Variants in FBXO10 observed in about 807,000 individuals in gnomAD.
FBXO10 encodes F-box only protein 10.
A neutral mutation model predicts 80.7 loss-of-function variants in FBXO10; 39 were observed. The ratio of observed to expected loss-of-function variants is 0.48; its 90% CI spans 0.37 to 0.63. The LOEUF is 0.63. Among genes scored for constraint, FBXO10 ranks in the 30% least tolerant of loss-of-function variants. FBXO10 has a pLI of 0.00. For missense variants in FBXO10, 1,025 were observed against 1,269.0 expected (o/e 0.81, Z 2.92); for synonymous variants, 449 against 489.6 (o/e 0.92, Z 1.09).
At chr9:37,556,582 T>G (rs1243152471) in intron 1 of FBXO10, among the ~76,000 whole-genome samples, 1 of 140,088 alleles carries the variant, frequency 7.1e-6, no homozygotes. Context: ...CTCTCTCTTT[T>G]GCCCAGTCTG....
intron 1 of FBXO10, among the ~76,000 whole-genome samples, chr9:37,574,685 C>A (rs942641127): frequency 6.6e-6 from 1 of 152,166 alleles, no homozygotes; most frequent in African/African-American, 2.4e-5. Context: ...TCCCTGGAGG[C>A]CAGCTGTTAT....
At chr9:37,518,795 C>T (rs1588822435) in intron 8 of FBXO10, among the ~76,000 whole-genome samples, 2 of 152,156 alleles carry the variant, frequency 1.3e-5, no homozygotes, top group Non-Finnish European at 2.9e-5. Flanking sequence ...TGCTCACTGC[C>T]GCCTCAAGGC....
At chr9:37,570,053 G>A (rs555997692) in intron 1 of FBXO10, among the ~76,000 whole-genome samples, 7 of 152,330 alleles carry the variant, frequency 4.6e-5, no homozygotes, top group East Asian at 3.9e-4. Context: ...GCTCATGCCT[G>A]TATCCCAGCA....
At chr9:37,545,008 A>AAG (rs1822020963) in intron 1 of FBXO10, among the ~76,000 whole-genome samples, 2 of 149,768 alleles carry the variant, frequency 1.3e-5, no homozygotes, top group South Asian at 4.2e-4. Context: ...AAAAAAAAAA[A>AAG]AAAAGAGAGA....
In FBXO10 at chr9:37,512,455, G is replaced by C; in HGVS notation, c.*92C>G. 7.0e-7 allele frequency: 1 copy of C among 1,435,528 alleles called. No individual in the cohort carries two copies. Among genetic ancestry groups the C allele is most frequent in the Non-Finnish European group, 9.5e-7 (1 of 1,054,240 alleles). The allele number at this position is 1,435,528 out of a possible 1,614,324, so 88.9% of individuals were successfully genotyped here. ...GCCCGGGACCCATTTGTTCGAGGGG[G>C]AGGGGGAGGGGCGGAGTCTTTTCAG... On this transcript the variant is annotated 3_prime_UTR_variant, in exon 11 of 11. Transcript: ENST00000432825.
chr9:37,537,181 C>T lies in FBXO10; in HGVS notation c.1348G>A (p.Gly450Ser), dbSNP rs1011610523. The T allele has an allele frequency of 1.5e-5, 24 of 1,613,852 alleles. No homozygotes were observed. The highest frequency in any genetic ancestry group is 1.3e-4 in the East Asian group (6 of 44,894). ...ATGTTTCCTTCCATCTTGGCTCTGC[C>T]GTGGGAGCAGACGAAGACGCCTCCC... is the stretch of plus-strand genomic sequence containing the variant. ...GKGGVFVCSH[G>S]RAKMEGNIFR... is the part of the protein sequence containing the mutation. The change falls in exon 3 of 11, where the codon GGC becomes AGC. Residue 450 changes from glycine (G) to serine (S), a missense_variant. Gly to Ser is a moderately conservative substitution (Grantham distance 56, BLOSUM62 0). This residue lies in a region of FBXO10 where 478 missense variants were observed against 667.8 expected (regional missense o/e 0.72). Coordinates refer to ENST00000432825, the MANE Select transcript of FBXO10 (RefSeq NM_012166.3).
intron 10 of FBXO10, 181 bp downstream of exon 10, chr9:37,515,723 C>G: frequency 1.6e-6 from 1 of 631,406 alleles, no homozygotes; most frequent in South Asian, 2.0e-5. Flanking sequence ...TTGTTCCCTC[C>G]TGGGGAGTCC....
chr9:37,551,359 G>C (rs1208056512), intron 1 of FBXO10, among the ~76,000 whole-genome samples: 1 of 152,164 alleles, frequency 6.6e-6, no homozygotes, highest in African/African-American at 2.4e-5. Flanking sequence ...TGGAGTCTTG[G>C]GGGCAGCCCT....
In FBXO10 at chr9:37,532,030, C is replaced by T. The variant is rs935068968; in HGVS notation, c.1448G>A (p.Arg483His). The change falls in exon 4 of 11, where the codon CGC becomes CAC. Residue 483 changes from arginine to histidine, a missense_variant. By Grantham distance (29) the Arg-to-His change is conservative. Coordinates refer to ENST00000432825, the MANE Select transcript of FBXO10 (RefSeq NM_012166.3). ...AAGAAAGATGCCTGACGCTCGGCAG[C>T]GGTAAATGTCGTTCCTGAGCATGAT... is the stretch of plus-strand genomic sequence containing the variant. ...KIIMLRNDIY[R>H]CRASGIFLRL... 14 of 1,613,558 alleles carry T rather than the reference C, an allele frequency of 8.7e-6. No individual in the cohort carries two copies. The highest frequency in any genetic ancestry group is 4.5e-5 in the East Asian group (2 of 44,886).
intron 10 of FBXO10, 81 bp from the exon 11 acceptor site, chr9:37,512,802 G>C: frequency 7.0e-7 from 1 of 1,436,226 alleles, no homozygotes; most frequent in Admixed American, 2.2e-5. Flanking sequence ...CTTAACTTGG[G>C]TTCCAGATCG....
chr9:37,553,936 A>AAG (rs1273193391), intron 1 of FBXO10, among the ~76,000 whole-genome samples: 3 of 148,888 alleles, frequency 2.0e-5, no homozygotes, highest in African/African-American at 7.7e-5. Context: ...AAAAAAAAAA[A>AAG]AAAGAAAGAA....
intron 1 of FBXO10, among the ~76,000 whole-genome samples, chr9:37,559,921 T>G (rs1286776683): frequency 1.3e-5 from 2 of 152,218 alleles, no homozygotes; most frequent in Non-Finnish European, 2.9e-5. Context: ...GATTGTTTGT[T>G]ACCATAGCAG....
intron 1 of FBXO10, among the ~76,000 whole-genome samples, chr9:37,557,490 G>A (rs1470203607): frequency 6.6e-6 from 1 of 152,202 alleles, no homozygotes; most frequent in Non-Finnish European, 1.5e-5. Flanking sequence ...TTCAGCCTCA[G>A]TTAGGACCTC....
intron 1 of FBXO10, among the ~76,000 whole-genome samples, chr9:37,557,017 C>T (rs1822353328): frequency 6.6e-6 from 1 of 152,180 alleles, no homozygotes; most frequent in South Asian, 2.1e-4. Context: ...TGACTCCTTT[C>T]TCTATTACAA....
chr9:37,549,825 A>G (rs1563883241), intron 1 of FBXO10, among the ~76,000 whole-genome samples: 2 of 152,166 alleles, frequency 1.3e-5, no homozygotes. Flanking sequence ...CTTTAGCAAT[A>G]CTACAAGTGG....
intron 2 of FBXO10, among the ~76,000 whole-genome samples, chr9:37,540,740 C>G (rs1177404443): frequency 6.6e-6 from 1 of 152,308 alleles, no homozygotes; most frequent in East Asian, 1.9e-4. Context: ...CTTGATCCCA[C>G]ACAGGGTGGG....
intron 1 of FBXO10, among the ~76,000 whole-genome samples, chr9:37,555,503 C>G (rs1427594310): frequency 2.0e-5 from 3 of 152,004 alleles, no homozygotes; most frequent in African/African-American, 7.3e-5. Flanking sequence ...GCCTCAGCCT[C>G]CCGAGTAGCT....
At chr9:37,560,801 A>C (rs1822459557) in intron 1 of FBXO10, among the ~76,000 whole-genome samples, 1 of 152,116 alleles carries the variant, frequency 6.6e-6, no homozygotes, top group Non-Finnish European at 1.5e-5. Flanking sequence ...GGATGGAGGG[A>C]GTATGGCCTG....
intron 1 of FBXO10, among the ~76,000 whole-genome samples, chr9:37,559,201 T>TGG (rs890959248): frequency 2.6e-5 from 4 of 152,234 alleles, no homozygotes; most frequent in Non-Finnish European, 4.4e-5. Context: ...GAGAATCACC[T>TGG]GGGGCCTATT....
Sources: gnomAD v4.1 joint callset for allele counts (sites outside exome capture counted in the v4.1 genomes callset) on GRCh38, gnomAD v4.1.1 for gene constraint, gnomAD v4.1.1 regional missense constraint, MANE v1.5 for transcripts, NCBI Gene and HGNC (gene_info 2026-07-23, HGNC 2026-07-21) for gene names.